Variants in FCN1 observed in about 807,000 individuals in gnomAD.
The protein encoded by FCN1 is ficolin 1, also known as ficolin-1.
In FCN1, 42 loss-of-function variants were observed where a neutral mutation model predicts 35.6. The observed-to-expected ratio is 1.18, with a 90% CI of 0.92 to 1.53. FCN1 has a LOEUF of 1.53. Among genes scored for constraint, FCN1 ranks in the 40% most tolerant of loss-of-function variants. The pLI, the probability that FCN1 is intolerant of heterozygous loss-of-function variation, is 0.00. For synonymous variants in FCN1, 179 were observed against 169.8 expected (o/e 1.05, Z -0.42); for missense variants, 439 against 428.4 (o/e 1.02, Z -0.22).
chr9:134,907,894 T>A lies in FCN1; in HGVS notation c.*1904A>T, dbSNP rs558067527. The A allele has an allele frequency of 6.6e-6, 1 of 152,350 alleles. No homozygotes were observed. The highest frequency in any genetic ancestry group is 2.4e-5 in the African/African-American group (1 of 41,588). 9.4% of individuals were successfully genotyped at this position (152,350 alleles called of 1,614,324 possible). A position where few individuals can be genotyped will look rare whatever the true frequency, so the allele number is the denominator to read the frequency against. ...TCCAGTTTGGTGCTATGGTGAGTAT[T>A]TGGCTGTAAAGATTCCTGGCCATGC... On this transcript the variant is annotated 3_prime_UTR_variant, in exon 9 of 9. Transcript: ENST00000371806.
In FCN1 at chr9:134,911,265, T is replaced by C; in HGVS notation, c.601A>G (p.Ser201Gly). The C allele has an allele frequency of 6.2e-7, 1 of 1,614,070 alleles. No homozygotes were observed. Among genetic ancestry groups the C allele is most frequent in the South Asian group, 1.1e-5 (1 of 91,076 alleles). Reference protein sequence around the residue: ...DNIHALTAQGSSELRVDLVDF... With the variant: ...DNIHALTAQGGSELRVDLVDF... ...ACCAGGTCTACACGGAGCTCGCTGC[T>C]TCCTGTTGGAAAAAGATTTTAAGGC... The change falls in exon 8 of 9, where the codon AGC becomes GGC. Residue 201 changes from serine (S) to glycine (G), a missense_variant and splice_region_variant. By Grantham distance (56) the Ser-to-Gly change is moderately conservative (BLOSUM62 0). Transcript: ENST00000371806.
In FCN1 at chr9:134,905,547, G is replaced by A. The variant is rs576231905; in HGVS notation, c.*4251C>T. On this transcript the variant is annotated 3_prime_UTR_variant, in exon 9 of 9. Coordinates refer to ENST00000371806, the MANE Select transcript of FCN1 (RefSeq NM_002003.5). ...CGCCCAGGCTGGAGTGCAGTGGTGC[G>A]ATCTCGGCTCACTTCAACCTCTGCC... Among the ~76,000 whole-genome samples, 23 of 152,056 alleles carry A rather than the reference G, an allele frequency of 1.5e-4. No homozygotes were observed. Among genetic ancestry groups the A allele is most frequent in the East Asian group, 1.2e-3 (6 of 5,170 alleles).
At chr9:134,913,655 G>A (rs749960808) in intron 4 of FCN1, 42 bp from the exon 5 acceptor site, 1 of 1,557,030 alleles carries the variant, frequency 6.4e-7, no homozygotes, top group Non-Finnish European at 8.8e-7. Flanking sequence ...CTTGAAATCA[G>A]AGCCTTTGTC....
intron 2 of FCN1, among the ~76,000 whole-genome samples, chr9:134,916,060 G>C (rs771686855): frequency 7.9e-5 from 12 of 152,224 alleles, no homozygotes; most frequent in African/African-American, 2.7e-4. Context: ...CTTAGAAGTC[G>C]TGCCAGTAGC....
chr9:134,910,330 G>C (rs940546973), intron 8 of FCN1, among the ~76,000 whole-genome samples: 1 of 152,072 alleles, frequency 6.6e-6, no homozygotes, highest in Non-Finnish European at 1.5e-5. Flanking sequence ...GCTCTCTCCT[G>C]GAATGACCTC....
chr9:134,915,877 C>A (rs1008662441), intron 2 of FCN1, among the ~76,000 whole-genome samples: 4 of 152,202 alleles, frequency 2.6e-5, no homozygotes, highest in East Asian at 1.9e-4. Context: ...GCTCAGGATT[C>A]GGGTGCCCTC....
At position 134,914,735 on chromosome 9, in the gene FCN1, C is replaced by T. The variant is rs373787239; in HGVS notation, c.271+21G>A. 186 of 1,598,714 alleles carry T rather than the reference C, an allele frequency of 1.2e-4. 1 individual carries two copies. The highest frequency in any genetic ancestry group is 1.7e-4 in the Middle Eastern group (1 of 6,058). ...CCAAGGTCCCTGCTCAAGGCCTCCTCGCTGTCTGTCCCCTGGTTACCTTTG... is the reference window on the plus strand; with the variant it reads ...CCAAGGTCCCTGCTCAAGGCCTCCTTGCTGTCTGTCCCCTGGTTACCTTTG... On this transcript the variant is annotated intron_variant, in intron 3 of 8. Transcript: ENST00000371806.
intron 7 of FCN1, 21 bp downstream of exon 7, chr9:134,912,465 G>C (rs967911765): frequency 2.5e-5 from 41 of 1,610,378 alleles, no homozygotes; most frequent in Non-Finnish European, 3.2e-5. Flanking sequence ...CCCAACCCCT[G>C]AGCCACGGCA....
chr9:134,913,435 A>G, intron 5 of FCN1, 146 bp downstream of exon 5: 1 of 696,832 alleles, frequency 1.4e-6, no homozygotes, highest in Non-Finnish European at 2.4e-6. Context: ...GATTCAGGTG[A>G]TAGCTGCCCA....
intron 2 of FCN1, among the ~76,000 whole-genome samples, chr9:134,915,103 T>C (rs1341359190): frequency 6.6e-6 from 1 of 152,194 alleles, no homozygotes; most frequent in Non-Finnish European, 1.5e-5. Context: ...ACCATAAGCC[T>C]GGACCCAAGT....
At position 134,909,671 on chromosome 9, in the gene FCN1, G is replaced by C; in HGVS notation, c.*127C>G. ...CATGTGGCGGCTTGACTGAGCTGGG[G>C]GCAAAGGGGCAGCTGTGGGCGTCAT... On this transcript the variant is annotated 3_prime_UTR_variant, in exon 9 of 9. Coordinates refer to ENST00000371806, the MANE Select transcript of FCN1 (RefSeq NM_002003.5). The C allele has an allele frequency of 1.3e-6, 2 of 1,595,192 alleles. No homozygotes were observed. Among genetic ancestry groups the C allele is most frequent in the Non-Finnish European group, 1.7e-6 (2 of 1,177,676 alleles).
At chr9:134,912,404 G>A (rs1831034267) in intron 7 of FCN1, 82 bp downstream of exon 7, 1 of 1,417,990 alleles carries the variant, frequency 7.1e-7, no homozygotes, top group African/African-American at 1.4e-5. Context: ...GCCAAGAGGT[G>A]CTTATGTTGC....
chr9:134,912,409 TG>T, intron 7 of FCN1, 76 bp downstream of exon 7: 1 of 1,447,266 alleles, frequency 6.9e-7, no homozygotes, highest in Non-Finnish European at 9.4e-7. Flanking sequence ...GAGGTGCTTA[TG>T]TTGCAGATGG....
chr9:134,913,287 G>A, intron 5 of FCN1, 144 bp from the exon 6 acceptor site: 1 of 1,146,764 alleles, frequency 8.7e-7, no homozygotes, highest in African/African-American at 1.5e-5. Context: ...CAGGGACACG[G>A]CCCCCAGGGC....
At chr9:134,916,582 G>T in intron 1 of FCN1, 121 bp from the exon 2 acceptor site, 1 of 945,384 alleles carries the variant, frequency 1.1e-6, no homozygotes, top group Non-Finnish European at 1.7e-6. Context: ...AGGCGGAGAT[G>T]TGATGGGGGG....
chr9:134,913,743 T>A, intron 4 of FCN1, 130 bp from the exon 5 acceptor site: 1 of 615,438 alleles, frequency 1.6e-6, no homozygotes, highest in East Asian at 3.0e-5. Flanking sequence ...CCAGGACACG[T>A]GGCACAGGCC....
At position 134,914,464 on chromosome 9, in the gene FCN1, T is replaced by C. The variant is rs558937910; in HGVS notation, c.272-44A>G. 1.9e-5 allele frequency: 30 copies of C among 1,573,786 alleles called. No homozygotes were observed. In the Admixed American group the frequency reaches 3.1e-4, roughly 16 times the overall value. On this transcript the variant is annotated intron_variant, in intron 3 of 8. Transcript: ENST00000371806. ...TAATGAGCTTTTGACCCCAGATGTG[T>C]GGGCCACGGAAAGGCTGGTCCAGAG...
At position 134,909,370 on chromosome 9, in the gene FCN1, G is replaced by T; in HGVS notation, c.*428C>A. 1 of 1,289,386 alleles carries T rather than the reference G, an allele frequency of 7.8e-7. No homozygotes were observed. The highest frequency in any genetic ancestry group is 1.0e-6 in the Non-Finnish European group (1 of 988,554). The allele number at this position is 1,289,386 out of a possible 1,614,324, so 79.9% of individuals were successfully genotyped here. Reference sequence around the variant, plus strand: ...ATGGGGGGATGGGGGAGGCTTGGGGGTGGAGGTGAGGATCGCCCTGTGTCA... The same window carrying T: ...ATGGGGGGATGGGGGAGGCTTGGGGTTGGAGGTGAGGATCGCCCTGTGTCA... On this transcript the variant is annotated 3_prime_UTR_variant, in exon 9 of 9. Coordinates refer to ENST00000371806, the MANE Select transcript of FCN1 (RefSeq NM_002003.5).
In FCN1 at chr9:134,917,897, G is replaced by C; in HGVS notation, c.-26C>G. ...GCTCTCTGGCCTTTGACTCTGAAGAGTCCCCCAGCTCTAACAGGGCAGAGG... is the reference window on the plus strand; with the variant it reads ...GCTCTCTGGCCTTTGACTCTGAAGACTCCCCCAGCTCTAACAGGGCAGAGG... On this transcript the variant is annotated 5_prime_UTR_variant, in exon 1 of 9. Transcript: ENST00000371806. 6.5e-7 allele frequency: 1 copy of C among 1,531,674 alleles called. No individual in the cohort carries two copies. The highest frequency in any genetic ancestry group is 9.0e-7 in the Non-Finnish European group (1 of 1,105,212). 94.9% of individuals were successfully genotyped at this position (1,531,674 alleles called of 1,614,324 possible).
Sources: gnomAD v4.1 joint callset for allele counts (sites outside exome capture counted in the v4.1 genomes callset) on GRCh38, gnomAD v4.1.1 for gene constraint, MANE v1.5 for transcripts, NCBI Gene and HGNC (gene_info 2026-07-23, HGNC 2026-07-21) for gene names.